The following MCC variants were observed in gnomAD, a reference collection of about 807,000 sequenced individuals.
MCC encodes the protein MCC regulator of Wnt signaling pathway, also known as colorectal mutant cancer protein.
Under a neutral mutation model 116.2 loss-of-function variants are expected in MCC, and 90 were observed. The observed-to-expected ratio is 0.77, with a 90% CI of 0.65 to 0.92. MCC has a LOEUF of 0.92. Ranked by LOEUF, MCC falls within the 40% of genes least tolerant of loss-of-function variation. The pLI is 0.00. For missense variants in MCC, 1,516 were observed against 1,312.2 expected (o/e 1.16, Z -2.40); for synonymous variants, 578 against 510.5 (o/e 1.13, Z -1.78).
chr5:113,137,845 T>G (rs1286986770), intron 5 of MCC, among the ~76,000 whole-genome samples: 24 of 152,074 alleles, frequency 1.6e-4, no homozygotes, highest in African/African-American at 5.8e-4. Flanking sequence ...TTGAAAAAGG[T>G]TACCTCTCAG....
rs1017226858 is a variant in MCC at position 113,343,218 on chromosome 5, T to C, written c.416-2488A>G. On this transcript the variant is annotated intron_variant, in intron 2 of 18. Transcript: ENST00000408903. ...TTCAGATGGTTTCCCCTTACTGTTC[T>C]GGCTCTACTGATCCTCTCCAGTCGG... Among the ~76,000 whole-genome samples the C allele has an allele frequency of 3.3e-5, 5 of 152,238 alleles. No individual in the cohort carries two copies. In the South Asian group the frequency reaches 6.2e-4, roughly 19 times the overall value.
chr5:113,043,429 A>G, intron 17 of MCC, 101 bp downstream of exon 17: 1 of 1,070,474 alleles, frequency 9.3e-7, no homozygotes, highest in Non-Finnish European at 1.4e-6. Context: ...GTAAAGTGGA[A>G]CACATCAGCA....
rs68052804 is a variant in MCC at position 113,201,387 on chromosome 5, C to CAA, written c.628-49967_628-49966dup. Among the ~76,000 whole-genome samples the CAA allele has an allele frequency of 4.3e-3, 549 of 128,104 alleles. 7 individuals are homozygous for CAA. Among genetic ancestry groups the CAA allele is most frequent in the East Asian group, 0.024 (101 of 4,272 alleles). 84.0% of individuals were successfully genotyped at this position (128,104 alleles called of 152,430 possible). A position where few individuals can be genotyped will look rare whatever the true frequency, so the allele number is the denominator to read the frequency against. The stretch of plus-strand genomic sequence containing the variant: ...GGCGACAAGAGCAAAACGCCATCTC[C>CAA]AAAAAAAAAAAAAAAAAACAAAGAA... On this transcript the variant is annotated intron_variant, in intron 3 of 18. Coordinates refer to ENST00000408903, the MANE Select transcript of MCC (RefSeq NM_001085377.2).
intron 3 of MCC, among the ~76,000 whole-genome samples, chr5:113,299,747 TC>T (rs2150364330): frequency 6.6e-6 from 1 of 152,342 alleles, no homozygotes; most frequent in Non-Finnish European, 1.5e-5. Flanking sequence ...TCCTCCTGCT[TC>T]AGCAGGGATT....
rs190430746 is a variant in MCC at position 113,330,170 on chromosome 5, C to T, written c.627+10349G>A. 1.3e-5 allele frequency among the ~76,000 whole-genome samples: 2 copies of T among 152,342 alleles called. 1 individual carries two copies. The highest frequency in any genetic ancestry group is 3.9e-4 in the East Asian group (2 of 5,192). On this transcript the variant is annotated intron_variant, in intron 3 of 18. Coordinates refer to ENST00000408903, the MANE Select transcript of MCC (RefSeq NM_001085377.2). ...AGGCAAATGCCAAGCTGTAATCAAT[C>T]AAGTTTCTGTACCTGACTTTTGTCC...
intron 3 of MCC, among the ~76,000 whole-genome samples, chr5:113,316,273 A>C (rs1022747692): frequency 5.9e-5 from 9 of 151,354 alleles, no homozygotes; most frequent in African/African-American, 2.2e-4. Flanking sequence ...AAAAAAAAAG[A>C]AAGAGATATG....
At chr5:113,137,985 T>C (rs1758940278) in intron 5 of MCC, among the ~76,000 whole-genome samples, 1 of 151,994 alleles carries the variant, frequency 6.6e-6, no homozygotes, top group African/African-American at 2.4e-5. Context: ...TGGGAGAGTC[T>C]TCTAGGGTAG....
intron 1 of MCC, 129 bp downstream of exon 1, chr5:113,488,116 G>T (rs1452272907): frequency 2.1e-6 from 2 of 962,840 alleles, no homozygotes; most frequent in Non-Finnish European, 2.9e-6. Context: ...TCTCGGAGTC[G>T]CGGCCAACTT....
intron 8 of MCC, among the ~76,000 whole-genome samples, chr5:113,095,605 G>C (rs1011518475): frequency 6.6e-6 from 1 of 151,892 alleles, no homozygotes; most frequent in African/African-American, 2.4e-5. Context: ...CTGCAGACTT[G>C]ATCACCTGGG....
intron 6 of MCC, among the ~76,000 whole-genome samples, chr5:113,106,710 T>C (rs907075724): frequency 6.6e-6 from 1 of 152,134 alleles, no homozygotes; most frequent in South Asian, 2.1e-4. Flanking sequence ...CAGGTACACA[T>C]GACCACAATC....
chr5:113,246,317 G>C (rs527740728), intron 3 of MCC, among the ~76,000 whole-genome samples: 2 of 152,292 alleles, frequency 1.3e-5, no homozygotes, highest in East Asian at 3.9e-4. Context: ...AAATTGATAA[G>C]CTGAAAAGTT....
chr5:113,133,037 T>C (rs1758559809), intron 5 of MCC, among the ~76,000 whole-genome samples: 1 of 152,192 alleles, frequency 6.6e-6, no homozygotes, highest in African/African-American at 2.4e-5. Context: ...ACCGGATAGA[T>C]ACGTATTTTC....
chr5:113,083,809 A>G (rs1344227499), intron 10 of MCC, among the ~76,000 whole-genome samples: 1 of 152,198 alleles, frequency 6.6e-6, no homozygotes, highest in Non-Finnish European at 1.5e-5. Context: ...TAAGACAGAT[A>G]CTTCAAGACT....
intron 2 of MCC, among the ~76,000 whole-genome samples, chr5:113,359,625 A>T (rs559093844): frequency 1.3e-5 from 2 of 152,396 alleles, no homozygotes; most frequent in South Asian, 4.1e-4. Context: ...CCTTTTAAAA[A>T]AAACAATTAA....
chr5:113,099,412 A>T (rs1359425351), intron 8 of MCC, among the ~76,000 whole-genome samples: 2 of 152,212 alleles, frequency 1.3e-5, no homozygotes, highest in African/African-American at 4.8e-5. Flanking sequence ...ATTCCTATTT[A>T]AAAAAATGAC....
intron 5 of MCC, among the ~76,000 whole-genome samples, chr5:113,123,408 G>C (rs1052890840): frequency 6.6e-6 from 1 of 152,180 alleles, no homozygotes; most frequent in Non-Finnish European, 1.5e-5. Context: ...TAGAACTAGG[G>C]GGTAGGAAGA....
intron 6 of MCC, among the ~76,000 whole-genome samples, chr5:113,120,840 G>C (rs1468090732): frequency 6.6e-6 from 1 of 152,150 alleles, no homozygotes; most frequent in East Asian, 1.9e-4. Flanking sequence ...CTCTCCTCTT[G>C]GTGTTTTATC....
intron 3 of MCC, among the ~76,000 whole-genome samples, chr5:113,229,812 G>A (rs1193762436): frequency 6.6e-6 from 1 of 152,182 alleles, no homozygotes; most frequent in African/African-American, 2.4e-5. Context: ...ATGCTGTACA[G>A]GTCTGTAGCA....
At chr5:113,409,409 T>C (rs994078224) in intron 1 of MCC, among the ~76,000 whole-genome samples, 3 of 152,060 alleles carry the variant, frequency 2.0e-5, no homozygotes, top group African/African-American at 7.2e-5. Context: ...TGGAGTGCAG[T>C]GGTGTGATCA....
Sources: gnomAD v4.1 joint callset for allele counts (sites outside exome capture counted in the v4.1 genomes callset) on GRCh38, gnomAD v4.1.1 for gene constraint, MANE v1.5 for transcripts, NCBI Gene and HGNC (gene_info 2026-07-23, HGNC 2026-07-21) for gene names.